The following CTNNA3 variants were observed in gnomAD, a reference collection of about 807,000 sequenced individuals.
CTNNA3 encodes catenin alpha-3.
In CTNNA3, 76 loss-of-function variants were observed where a neutral mutation model predicts 95.7. The observed-to-expected ratio is 0.79, with a 90% CI of 0.66 to 0.96. CTNNA3 has a LOEUF of 0.96. CTNNA3 is among the 40% of genes least tolerant of loss of function. CTNNA3 has a pLI of 0.00. For missense variants in CTNNA3, 1,191 were observed against 1,089.8 expected (o/e 1.09, Z -1.31); for synonymous variants, 431 against 374.4 (o/e 1.15, Z -1.74).
At chr10:66,567,812 A>G (rs1564538092) in intron 10 of CTNNA3, among the ~76,000 whole-genome samples, 1 of 152,146 alleles carries the variant, frequency 6.6e-6, no homozygotes, top group Non-Finnish European at 1.5e-5. Flanking sequence ...GCTGGCATCC[A>G]TCCATCTTGG....
At chr10:66,892,880 AAAG>A (rs1845327351) in intron 7 of CTNNA3, among the ~76,000 whole-genome samples, 1 of 152,142 alleles carries the variant, frequency 6.6e-6, no homozygotes, top group African/African-American at 2.4e-5. Context: ...CATAGTCAAG[AAAG>A]AAGGTGACTA....
chr10:66,387,453 T>C (rs936767192), intron 11 of CTNNA3, among the ~76,000 whole-genome samples: 1 of 152,166 alleles, frequency 6.6e-6, no homozygotes, highest in East Asian at 1.9e-4. Flanking sequence ...CAACAGATGC[T>C]GGACAGGATG....
intron 13 of CTNNA3, among the ~76,000 whole-genome samples, chr10:66,163,294 C>T (rs1349716573): frequency 2.6e-5 from 4 of 152,036 alleles, no homozygotes; most frequent in African/African-American, 9.7e-5. Context: ...GGAGTTTTAC[C>T]CCCTGCTCCT....
intron 6 of CTNNA3, among the ~76,000 whole-genome samples, chr10:67,196,355 T>C (rs73262258): frequency 0.027 from 4,154 of 152,204 alleles, 135 homozygotes; most frequent in African/African-American, 0.09. Flanking sequence ...TCTAAATACA[T>C]ACTTAGCTAT....
rs77439125 is a variant in CTNNA3 at position 66,439,760 on chromosome 10, C to T, written c.1532-60408G>A. On this transcript the variant is annotated intron_variant, in intron 11 of 17. Coordinates refer to ENST00000433211, the MANE Select transcript of CTNNA3 (RefSeq NM_013266.4). ...GATTCATTTTTACCTCAACAATAAACGAGTTCATCAATATGTTACACTAGG... is the reference window on the plus strand; with the variant it reads ...GATTCATTTTTACCTCAACAATAAATGAGTTCATCAATATGTTACACTAGG... Among the ~76,000 whole-genome samples the T allele has an allele frequency of 2.0e-3, 307 of 152,056 alleles. 11 individuals carry two copies. The East Asian group carries it at 0.049, about 24-fold the overall frequency.
intron 14 of CTNNA3, among the ~76,000 whole-genome samples, chr10:66,087,722 T>C (rs183153137): frequency 6.6e-6 from 1 of 152,220 alleles, no homozygotes; most frequent in African/African-American, 2.4e-5. Context: ...ACTCAATCAA[T>C]TAGAACTAGC....
intron 7 of CTNNA3, among the ~76,000 whole-genome samples, chr10:66,973,902 G>A (rs1304549318): frequency 2.0e-5 from 3 of 152,158 alleles, no homozygotes; most frequent in East Asian, 1.9e-4. Flanking sequence ...GATTACAGGC[G>A]TGAACCACCG....
chr10:67,367,890 G>A (rs1360579441), intron 5 of CTNNA3, among the ~76,000 whole-genome samples: 1 of 152,068 alleles, frequency 6.6e-6, no homozygotes, highest in African/African-American at 2.4e-5. Flanking sequence ...CAAGAGTGCG[G>A]AAAAAGGGAG....
chr10:67,645,116 T>C (rs1839664119), intron 2 of CTNNA3, among the ~76,000 whole-genome samples: 1 of 152,148 alleles, frequency 6.6e-6, no homozygotes, highest in Non-Finnish European at 1.5e-5. Context: ...ATCCTTCTAA[T>C]TTTATAGGTG....
At position 66,639,798 on chromosome 10, in the gene CTNNA3, T is replaced by TTTAA. The variant is rs898581501; in HGVS notation, c.1282-18015_1282-18014insTTAA. Among the ~76,000 whole-genome samples, 85 of 152,252 alleles carry TTTAA rather than the reference T, an allele frequency of 5.6e-4. 1 individual carries two copies. The highest frequency in any genetic ancestry group is 2.8e-3 in the Admixed American group (43 of 15,294). On this transcript the variant is annotated intron_variant, in intron 9 of 17. Coordinates refer to ENST00000433211, the MANE Select transcript of CTNNA3 (RefSeq NM_013266.4). Reference sequence around the variant, plus strand: ...GTGTGTCCTTTTATGTTTAAATAAGTATGCATGTAAAGCTAAAATAACATG... The same window carrying TTTAA: ...GTGTGTCCTTTTATGTTTAAATAAGTTTAAATGCATGTAAAGCTAAAATAACATG...
At chr10:66,942,750 T>A (rs1461261142) in intron 7 of CTNNA3, among the ~76,000 whole-genome samples, 1 of 152,164 alleles carries the variant, frequency 6.6e-6, no homozygotes, top group Non-Finnish European at 1.5e-5. Context: ...GTTATTACAG[T>A]AAACCAAAAT....
intron 6 of CTNNA3, among the ~76,000 whole-genome samples, chr10:67,211,056 T>A (rs1864119853): frequency 6.6e-6 from 1 of 152,208 alleles, no homozygotes; most frequent in Admixed American, 6.6e-5. Context: ...TATTCTTATC[T>A]CCTGAATATG....
In CTNNA3 at chr10:66,780,715, C is replaced by T. The variant is rs553270458; in HGVS notation, c.1048-5191G>A. Among the ~76,000 whole-genome samples, 4 of 152,276 alleles carry T rather than the reference C, an allele frequency of 2.6e-5. No individual in the cohort carries two copies. In the South Asian group the frequency reaches 6.2e-4, roughly 24 times the overall value. On this transcript the variant is annotated intron_variant, in intron 7 of 17. Coordinates refer to ENST00000433211, the MANE Select transcript of CTNNA3 (RefSeq NM_013266.4). ...TAAAAATATCTTACATATATTTTGT[C>T]CCTCAAAGGATCTAGCACAGTGCTT...
At chr10:67,587,610 G>A (rs949743242) in intron 3 of CTNNA3, among the ~76,000 whole-genome samples, 1 of 152,030 alleles carries the variant, frequency 6.6e-6, no homozygotes, top group African/African-American at 2.4e-5. Context: ...TTGTGACTAG[G>A]GGCTTTTCTC....
intron 15 of CTNNA3, among the ~76,000 whole-genome samples, chr10:66,049,464 T>C (rs1214898020): frequency 6.6e-6 from 1 of 152,122 alleles, no homozygotes; most frequent in African/African-American, 2.4e-5. Flanking sequence ...TAGAAATCAT[T>C]CTATCATAAA....
chr10:67,368,893 C>T (rs1014582411), intron 5 of CTNNA3, among the ~76,000 whole-genome samples: 1 of 152,140 alleles, frequency 6.6e-6, no homozygotes, highest in African/African-American at 2.4e-5. Flanking sequence ...GGAAACATTG[C>T]AGACGGGCAA....
intron 7 of CTNNA3, among the ~76,000 whole-genome samples, chr10:67,138,867 A>G (rs1200783334): frequency 6.6e-6 from 1 of 152,176 alleles, no homozygotes; most frequent in Non-Finnish European, 1.5e-5. Context: ...TTCCTAAGTC[A>G]TCCATCTATA....
intron 4 of CTNNA3, among the ~76,000 whole-genome samples, chr10:67,536,217 A>G (rs1211079465): frequency 6.6e-6 from 1 of 152,188 alleles, no homozygotes. Flanking sequence ...AAGGGGAGAC[A>G]TAGGTAAGTC....
intron 11 of CTNNA3, among the ~76,000 whole-genome samples, chr10:66,430,684 A>G (rs2131745340): frequency 6.6e-6 from 1 of 152,344 alleles, no homozygotes; most frequent in African/African-American, 2.4e-5. Flanking sequence ...TGGTGCTGGG[A>G]AAACTGGCTA....
Sources: gnomAD v4.1 joint callset for allele counts (sites outside exome capture counted in the v4.1 genomes callset) on GRCh38, gnomAD v4.1.1 for gene constraint, MANE v1.5 for transcripts, NCBI Gene and HGNC (gene_info 2026-07-23, HGNC 2026-07-21) for gene names.